HERC5: variants seen among roughly 807,000 people sequenced by gnomAD.
HERC5 encodes the protein HECT and RLD domain containing E3 ubiquitin protein ligase 5, also known as E3 ISG15--protein ligase HERC5.
Under a neutral mutation model 119.6 loss-of-function variants are expected in HERC5, and 99 were observed. That is an observed-to-expected ratio of 0.83 (90% CI 0.70 to 0.98). HERC5 has a LOEUF of 0.98. Ranked by LOEUF, HERC5 falls within the 50% of genes least tolerant of loss-of-function variation. HERC5 has a pLI of 0.00. For missense variants in HERC5, 1,267 were observed against 1,241.3 expected (o/e 1.02, Z -0.31); for synonymous variants, 478 against 445.9 (o/e 1.07, Z -0.91).
rs190259916 is a variant in HERC5, at chr4:88,503,693, T to C, written c.2583-539T>C. 4.3e-3 allele frequency among the ~76,000 whole-genome samples: 655 copies of C among 152,354 alleles called. 6 individuals carry two copies. Among genetic ancestry groups the C allele is most frequent in the African/African-American group, 0.015 (625 of 41,580 alleles). On this transcript the variant is annotated intron_variant, in intron 20 of 22. Transcript: ENST00000264350. ...GGTTGATGTTTGCATAGTGTATCTT[T>C]TTCCCTTCTTTGACTTTAATCTGTG...
In HERC5 at chr4:88,504,391, T is replaced by G; in HGVS notation, c.2742T>G (p.Asp914Glu). 6.2e-7 allele frequency: 1 copy of G among 1,604,044 alleles called. No individual in the cohort carries two copies. Among genetic ancestry groups the G allele is most frequent in the Non-Finnish European group, 8.5e-7 (1 of 1,173,002 alleles). The change falls in exon 21 of 23, where the codon GAT (aspartate) becomes GAG (glutamate). Residue 914 changes from aspartate (D) to glutamate (E), a missense_variant. By Grantham distance (45) the Asp-to-Glu change is conservative (BLOSUM62 2). Coordinates refer to ENST00000264350, the MANE Select transcript of HERC5 (RefSeq NM_016323.4). ...AGGATGTGATTGTTGGAAATACAGA[T>G]TATGATTGGAAAACATTTGAAAAGG... Reference protein sequence around the residue: ...ELKDVIVGNTDYDWKTFEKNA... With the variant: ...ELKDVIVGNTEYDWKTFEKNA...
chr4:88,482,821 A>T (rs1741324431), intron 13 of HERC5, among the ~76,000 whole-genome samples: 1 of 151,910 alleles, frequency 6.6e-6, no homozygotes, highest in Non-Finnish European at 1.5e-5. Context: ...TGTAGAGACG[A>T]GGTTTCACCA....
rs77880491 is a variant in HERC5, at chr4:88,502,234, T to C, written c.2582+1249T>C. ...TTGGTATGTAACTGGGAGAAGTGCT[T>C]GGTGCCTTGTGGTTGCCCCTTGCTC... On this transcript the variant is annotated intron_variant, in intron 20 of 22. Transcript: ENST00000264350. 7.4e-3 allele frequency among the ~76,000 whole-genome samples: 1,127 copies of C among 152,332 alleles called. 11 individuals are homozygous for C. The highest frequency in any genetic ancestry group is 0.024 in the African/African-American group (1,015 of 41,572).
chr4:88,462,633 T>TA, intron 4 of HERC5, among the ~76,000 whole-genome samples: 1 of 152,238 alleles, frequency 6.6e-6, no homozygotes, highest in Non-Finnish European at 1.5e-5. Context: ...TGCAGTTTAC[T>TA]AACTGCAAGC....
In HERC5 at chr4:88,479,507, G is replaced by A. The variant is rs1268567133; in HGVS notation, c.1737G>A (p.Arg579=). The change falls in exon 13 of 23, where the codon AGG becomes AGA. Residue 579 remains arginine, a splice_region_variant and synonymous_variant. Coordinates refer to ENST00000264350, the MANE Select transcript of HERC5 (RefSeq NM_016323.4). The part of the protein sequence containing the change: ...ALLEMLKKLH[R]VNQVKCQLPE... ...TAGAAATGTTGAAGAAGCTGCACAG[G>A]GTAAGAGTTCCTTTAGAAACCTCTG... is the stretch of plus-strand genomic sequence containing the variant. 1 of 1,567,068 alleles carries A rather than the reference G, an allele frequency of 6.4e-7. No homozygotes were observed. Among genetic ancestry groups the A allele is most frequent in the Admixed American group, 2.1e-5 (1 of 48,662 alleles).
At chr4:88,491,237 A>G (rs1056516815) in intron 16 of HERC5, among the ~76,000 whole-genome samples, 1 of 152,216 alleles carries the variant, frequency 6.6e-6, no homozygotes, top group African/African-American at 2.4e-5. Context: ...CAGCATCTAA[A>G]TAAATAAACT....
chr4:88,466,836 C>G (rs1172017131), intron 6 of HERC5, among the ~76,000 whole-genome samples: 3 of 152,152 alleles, frequency 2.0e-5, no homozygotes, highest in Non-Finnish European at 4.4e-5. Flanking sequence ...ACAAAGGGAA[C>G]ACCATTTGCC....
chr4:88,484,008 C>T lies in HERC5; in HGVS notation c.1738-2107C>T, dbSNP rs184169009. Among the ~76,000 whole-genome samples, 543 of 151,980 alleles carry T rather than the reference C, an allele frequency of 3.6e-3. 1 individual carries two copies. The highest frequency in any genetic ancestry group is 5.6e-3 in the Non-Finnish European group (380 of 67,958). On this transcript the variant is annotated intron_variant, in intron 13 of 22. Coordinates refer to ENST00000264350, the MANE Select transcript of HERC5 (RefSeq NM_016323.4). ...CCCTTAAGCTTTCTGTCATATTTTC[C>T]GTCTCATTGTCTCTCTGTACCCCAT... is the stretch of plus-strand genomic sequence containing the variant.
intron 9 of HERC5, among the ~76,000 whole-genome samples, chr4:88,469,629 T>C (rs1246524249): frequency 1.3e-5 from 2 of 152,202 alleles, no homozygotes; most frequent in Non-Finnish European, 2.9e-5. Context: ...CAGCCTTTTC[T>C]CTTAAGGCCT....
At chr4:88,464,682 A>G (rs1740585251) in intron 6 of HERC5, among the ~76,000 whole-genome samples, 1 of 151,410 alleles carries the variant, frequency 6.6e-6, no homozygotes, top group African/African-American at 2.4e-5. Context: ...TCCGCCTCCC[A>G]GGCTCAGGTT....
At chr4:88,488,694 C>G (rs1011479755) in intron 15 of HERC5, among the ~76,000 whole-genome samples, 2 of 150,692 alleles carry the variant, frequency 1.3e-5, no homozygotes, top group African/African-American at 4.9e-5. Flanking sequence ...TTTTTTTTTC[C>G]TGGAGTAGGC....
At chr4:88,478,585 A>T (rs938498094) in intron 12 of HERC5, among the ~76,000 whole-genome samples, 41 of 152,066 alleles carry the variant, frequency 2.7e-4, no homozygotes, top group Non-Finnish European at 4.4e-5. Context: ...TTGTTAAATA[A>T]GTAGATGTTA....
At position 88,483,040 on chromosome 4, in the gene HERC5, C is replaced by T. The variant is rs144282953; in HGVS notation, c.1738-3075C>T. Among the ~76,000 whole-genome samples the T allele has an allele frequency of 7.0e-3, 1,071 of 152,106 alleles. 39 individuals carry two copies. Among genetic ancestry groups the T allele is most frequent in the Admixed American group, 0.053 (817 of 15,280 alleles). On this transcript the variant is annotated intron_variant, in intron 13 of 22. Transcript: ENST00000264350. ...ATGTTTTCTTTTTCCAGTCCATATA[C>T]GTTTTATTATTTTCCTTTGTCTTGC...
intron 6 of HERC5, among the ~76,000 whole-genome samples, chr4:88,465,129 G>C (rs1354902647): frequency 6.6e-6 from 1 of 152,112 alleles, no homozygotes; most frequent in Non-Finnish European, 1.5e-5. Flanking sequence ...TGGCCAGGCT[G>C]GTCTTGAACT....
At chr4:88,457,685 G>C in intron 1 of HERC5, 151 bp downstream of exon 1, 2 of 911,420 alleles carry the variant, frequency 2.2e-6, no homozygotes, top group South Asian at 5.6e-5. Flanking sequence ...CGCCGACGGC[G>C]CACCTGAGCT....
intron 18 of HERC5, among the ~76,000 whole-genome samples, chr4:88,497,608 C>G (rs1470845019): frequency 6.6e-6 from 1 of 152,056 alleles, no homozygotes; most frequent in Non-Finnish European, 1.5e-5. Context: ...CTGCTTATAC[C>G]AAAATGCAAG....
chr4:88,485,068 A>G (rs375091350), intron 13 of HERC5, among the ~76,000 whole-genome samples: 11 of 152,022 alleles, frequency 7.2e-5, no homozygotes, highest in Non-Finnish European at 1.6e-4. Flanking sequence ...GGGAAAGGTT[A>G]ATGAAAAATA....
At position 88,457,144 on chromosome 4, in the gene HERC5, C is replaced by T. The variant is rs1166187361; in HGVS notation, c.-126C>T. The T allele has an allele frequency of 2.1e-5, 26 of 1,231,926 alleles. No homozygotes were observed. The highest frequency in any genetic ancestry group is 8.5e-5 in the Admixed American group (2 of 23,640). 76.3% of individuals were successfully genotyped at this position (1,231,926 alleles called of 1,614,324 possible). ...AGTAGCTGAGGCTGCGGTTCCCCGA[C>T]GCCACGCAGCTGCGCGCAGCTGGTT... is the stretch of plus-strand genomic sequence containing the variant. On this transcript the variant is annotated 5_prime_UTR_variant, in exon 1 of 23. It adds an upstream start codon to the 5' untranslated region. Transcript: ENST00000264350.
At chr4:88,499,459 C>G (rs1382253161) in intron 18 of HERC5, among the ~76,000 whole-genome samples, 2 of 152,160 alleles carry the variant, frequency 1.3e-5, no homozygotes, top group Non-Finnish European at 2.9e-5. Context: ...AGTCTAATTT[C>G]AGGTGTTTCT....
Sources: allele counts gnomAD v4.1 joint callset (sites outside exome capture counted in the v4.1 genomes callset), GRCh38; gene constraint gnomAD v4.1.1; transcripts MANE v1.5; gene names NCBI Gene and HGNC (gene_info 2026-07-23, HGNC 2026-07-21).